Variants in ELF1 observed in about 807,000 individuals in gnomAD.
ELF1 encodes the protein E74 like ETS transcription factor 1, also known as ETS-related transcription factor Elf-1.
In ELF1, 24 loss-of-function variants were observed where a neutral mutation model predicts 59.9. The observed-to-expected ratio is 0.40, with a 90% CI of 0.29 to 0.56. The LOEUF is 0.56. Ranked by LOEUF, ELF1 falls within the 20% of genes least tolerant of loss-of-function variation. The probability of loss-of-function intolerance (pLI) is 0.44; values close to 1 mark genes in which losing one functional copy is unlikely to be tolerated. For missense variants in ELF1, 627 were observed against 742.2 expected (o/e 0.84, Z 1.80); for synonymous variants, 248 against 266.2 (o/e 0.93, Z 0.67).
chr13:41,040,283 C>A (rs980407453), intron 1 of ELF1, among the ~76,000 whole-genome samples: 2 of 152,104 alleles, frequency 1.3e-5, no homozygotes, highest in African/African-American at 2.4e-5. Context: ...AACTATATCC[C>A]ATTATATGGA....
chr13:40,943,213 A>G (rs1870294858), intron 6 of ELF1, 69 bp from the exon 7 acceptor site: 1 of 1,355,986 alleles, frequency 7.4e-7, no homozygotes, highest in Non-Finnish European at 9.8e-7. Flanking sequence ...AAAGACAACT[A>G]AAAGTCTTAG....
At chr13:40,945,126 C>G (rs1441296121) in intron 5 of ELF1, among the ~76,000 whole-genome samples, 1 of 152,110 alleles carries the variant, frequency 6.6e-6, no homozygotes, top group Non-Finnish European at 1.5e-5. Flanking sequence ...GTATTAGAAG[C>G]CAACACTTCA....
chr13:40,994,151 C>T (rs988948674), intron 1 of ELF1, among the ~76,000 whole-genome samples: 2 of 152,092 alleles, frequency 1.3e-5, no homozygotes, highest in African/African-American at 4.8e-5. Context: ...AATTCCAGTT[C>T]TTTCACATAG....
At chr13:40,996,196 A>G (rs886819833) in intron 1 of ELF1, among the ~76,000 whole-genome samples, 2 of 152,226 alleles carry the variant, frequency 1.3e-5, no homozygotes, top group South Asian at 4.1e-4. Context: ...GTGGAACAAT[A>G]GGAATTCTCA....
Position 40,959,034 on chromosome 13 carries a change from G to A in ELF1, c.73-18C>T, listed in dbSNP as rs745753165. On this transcript the variant is annotated intron_variant, in intron 2 of 8. Transcript: ENST00000239882. ...TCACCAAGCTGGGAAGGGTTAGGGA[G>A]AGGAAAATGAAAACAAAGGATTAAC... is the stretch of plus-strand genomic sequence containing the variant. 3.2e-6 allele frequency: 5 copies of A among 1,573,662 alleles called. No homozygotes were observed. Among genetic ancestry groups the A allele is most frequent in the South Asian group, 2.3e-5 (2 of 85,948 alleles).
intron 1 of ELF1, among the ~76,000 whole-genome samples, chr13:40,992,299 T>C (rs923272283): frequency 6.6e-6 from 1 of 152,238 alleles, no homozygotes; most frequent in African/African-American, 2.4e-5. Context: ...CCTAAGTGCA[T>C]CTGTGAACAC....
chr13:41,053,848 G>C (rs532620128), intron 1 of ELF1, among the ~76,000 whole-genome samples: 11 of 152,120 alleles, frequency 7.2e-5, no homozygotes, highest in African/African-American at 2.7e-4. Flanking sequence ...AATAAGTAGC[G>C]TAATATAAAC....
At chr13:40,974,670 T>C (rs528487384) in intron 2 of ELF1, among the ~76,000 whole-genome samples, 75 of 152,258 alleles carry the variant, frequency 4.9e-4, no homozygotes, top group South Asian at 3.5e-3. Context: ...ATCTTATTCA[T>C]TTTCAGGACG....
chr13:40,980,447 T>C (rs1873190505), intron 2 of ELF1, among the ~76,000 whole-genome samples: 1 of 152,152 alleles, frequency 6.6e-6, no homozygotes, highest in South Asian at 2.1e-4. Flanking sequence ...TCCAAAAACA[T>C]AAATAACCTC....
chr13:40,991,903 T>C (rs541755805), intron 1 of ELF1, among the ~76,000 whole-genome samples: 1 of 152,190 alleles, frequency 6.6e-6, no homozygotes, highest in Non-Finnish European at 1.5e-5. Context: ...CAAGTAGTGA[T>C]TTGGGATCAC....
At chr13:41,036,392 C>T (rs986908805) in intron 1 of ELF1, among the ~76,000 whole-genome samples, 10 of 152,180 alleles carry the variant, frequency 6.6e-5, no homozygotes, top group African/African-American at 2.2e-4. Flanking sequence ...AACGTTTTGG[C>T]TATAGCTAAA....
intron 1 of ELF1, among the ~76,000 whole-genome samples, chr13:41,044,719 C>T (rs1292476804): frequency 1.3e-5 from 2 of 152,168 alleles, no homozygotes; most frequent in East Asian, 1.9e-4. Flanking sequence ...AGGATTTTTG[C>T]ATCGATGTTC....
intron 1 of ELF1, among the ~76,000 whole-genome samples, chr13:41,010,280 A>G (rs1487351291): frequency 2.8e-5 from 2 of 70,712 alleles, no homozygotes; most frequent in Admixed American, 1.2e-4. Context: ...GAAAGAAAGG[A>G]AAAAAAAAAA....
At position 40,941,898 on chromosome 13, in the gene ELF1, A is replaced by G. The variant is rs9566632; in HGVS notation, c.807-528T>C. 8.2e-3 allele frequency among the ~76,000 whole-genome samples: 1,248 copies of G among 152,134 alleles called. 17 individuals are homozygous for G. The highest frequency in any genetic ancestry group is 0.051 in the East Asian group (266 of 5,180). The stretch of plus-strand genomic sequence containing the variant: ...GATCTGGAACTCCCAGGCTGAAACG[A>G]TCCTTCCTTCTCAGGCTCCCAAAAT... On this transcript the variant is annotated intron_variant, in intron 7 of 8. Transcript: ENST00000239882.
chr13:41,015,997 C>T (rs1415557758), intron 1 of ELF1, among the ~76,000 whole-genome samples: 1 of 152,196 alleles, frequency 6.6e-6, no homozygotes, highest in Non-Finnish European at 1.5e-5. Context: ...CTCTTCTTAA[C>T]ATAGGTAAAT....
At chr13:40,967,731 A>G (rs1872270479) in intron 2 of ELF1, among the ~76,000 whole-genome samples, 2 of 151,434 alleles carry the variant, frequency 1.3e-5, no homozygotes. Flanking sequence ...AGCTGGGACT[A>G]TAGGCGTATG....
chr13:41,040,474 C>T (rs962470244), intron 1 of ELF1, among the ~76,000 whole-genome samples: 4 of 152,074 alleles, frequency 2.6e-5, no homozygotes, highest in Non-Finnish European at 4.4e-5. Flanking sequence ...CCAACCATTT[C>T]GGTACCAGGG....
chr13:41,059,649 G>T (rs1347749021), intron 1 of ELF1, among the ~76,000 whole-genome samples: 2 of 152,056 alleles, frequency 1.3e-5, no homozygotes, highest in Non-Finnish European at 2.9e-5. Context: ...CATTATAGCC[G>T]ACCCTATTTT....
intron 1 of ELF1, among the ~76,000 whole-genome samples, chr13:41,057,549 G>C (rs946053302): frequency 1.3e-5 from 2 of 151,956 alleles, no homozygotes; most frequent in African/African-American, 4.8e-5. Flanking sequence ...CAGGTGCAGC[G>C]GGTGCCACCA....
Sources: gnomAD v4.1 joint callset for allele counts (sites outside exome capture counted in the v4.1 genomes callset) on GRCh38, gnomAD v4.1.1 for gene constraint, MANE v1.5 for transcripts, NCBI Gene and HGNC (gene_info 2026-07-23, HGNC 2026-07-21) for gene names.